Variants in USP46 observed in about 807,000 individuals in gnomAD.
USP46 encodes the protein ubiquitin specific peptidase 46, also known as ubiquitin carboxyl-terminal hydrolase 46.
USP46 carries 12 observed loss-of-function variants against 44.4 expected under a neutral mutation model. The observed-to-expected ratio is 0.27, with a 90% CI of 0.17 to 0.44. The LOEUF is 0.44. USP46 is among the 20% of genes least tolerant of loss of function. USP46 has a pLI of 1.00. For synonymous variants in USP46, 155 were observed against 161.5 expected (o/e 0.96, Z 0.31); for missense variants, 248 against 444.8 (o/e 0.56, Z 3.98).
At chr4:52,617,439 G>C (rs763361959) in intron 4 of USP46, among the ~76,000 whole-genome samples, 24 of 152,190 alleles carry the variant, frequency 1.6e-4, no homozygotes, top group Non-Finnish European at 3.2e-4. Flanking sequence ...GTTTTGGAGA[G>C]AAGGAGAAAT....
At chr4:52,642,068 A>C (rs377274007) in intron 1 of USP46, among the ~76,000 whole-genome samples, 32 of 152,350 alleles carry the variant, frequency 2.1e-4, no homozygotes, top group African/African-American at 7.2e-4. Flanking sequence ...CTGATGACAA[A>C]GATCATTCCT....
intron 4 of USP46, among the ~76,000 whole-genome samples, chr4:52,622,440 C>CA (rs1197016044): frequency 6.6e-6 from 1 of 152,090 alleles, no homozygotes; most frequent in African/African-American, 2.4e-5. Context: ...TGAAATAAAT[C>CA]AAAATCTTTT....
intron 1 of USP46, among the ~76,000 whole-genome samples, chr4:52,632,867 G>A (rs1425206390): frequency 7.1e-6 from 1 of 140,076 alleles, no homozygotes; most frequent in Non-Finnish European, 1.5e-5. Flanking sequence ...GAGAAGACAA[G>A]ACAGAGAAAG....
intron 1 of USP46, among the ~76,000 whole-genome samples, chr4:52,650,312 A>G (rs150165594): frequency 7.9e-4 from 121 of 152,350 alleles, no homozygotes; most frequent in Non-Finnish European, 1.6e-3. Flanking sequence ...ATAATCTCAA[A>G]TATACTTGTT....
chr4:52,602,990 A>G (rs147671884), intron 6 of USP46, among the ~76,000 whole-genome samples: 3 of 152,342 alleles, frequency 2.0e-5, no homozygotes, highest in African/African-American at 7.2e-5. Context: ...GTACTGAATT[A>G]AGTGTAAATG....
intron 1 of USP46, among the ~76,000 whole-genome samples, chr4:52,638,199 G>A (rs1354932719): frequency 2.0e-5 from 3 of 152,206 alleles, no homozygotes; most frequent in African/African-American, 7.2e-5. Flanking sequence ...GACTTCAAGA[G>A]AGGGAGGCAA....
At chr4:52,625,934 T>G in intron 4 of USP46, 84 bp downstream of exon 4, 1 of 1,298,624 alleles carries the variant, frequency 7.7e-7, no homozygotes. Flanking sequence ...TGCTAAATGC[T>G]ATAATACGAC....
chr4:52,636,404 A>G (rs1385266493), intron 1 of USP46, among the ~76,000 whole-genome samples: 2 of 152,092 alleles, frequency 1.3e-5, no homozygotes, highest in African/African-American at 2.4e-5. Flanking sequence ...TCATAAATGT[A>G]TATTATTTAA....
intron 4 of USP46, among the ~76,000 whole-genome samples, chr4:52,615,350 T>C (rs1316217115): frequency 2.0e-5 from 3 of 152,128 alleles, no homozygotes; most frequent in Non-Finnish European, 4.4e-5. Context: ...CGACATACTA[T>C]GCGAAGAGTT....
rs1016019984 is a variant in USP46 at position 52,630,986 on chromosome 4, G to C, written c.117+78C>G. The C allele has an allele frequency of 2.5e-6, 3 of 1,222,080 alleles. No homozygotes were observed. The East Asian group carries it at 7.7e-5, about 31-fold the overall frequency. The allele number at this position is 1,222,080 out of a possible 1,614,324, so 75.7% of individuals were successfully genotyped here. A position where few individuals can be genotyped will look rare whatever the true frequency, so the allele number is the denominator to read the frequency against. ...GACCAATCATTTAAAAATTGGTAGT[G>C]ATAAAAATGCACTTAAAGTGGAGTT... On this transcript the variant is annotated intron_variant, in intron 2 of 8. Coordinates refer to ENST00000441222, the MANE Select transcript of USP46 (RefSeq NM_022832.4).
rs139100880 is a variant in USP46, at chr4:52,596,232, T to C, written c.*1408A>G. ...TCACATTATGCCCAAAGTTTGCATG[T>C]TCATCAGTGGATGCATTAGGTAACA... On this transcript the variant is annotated 3_prime_UTR_variant, in exon 9 of 9. Transcript: ENST00000441222. 27 of 152,772 alleles carry C rather than the reference T, an allele frequency of 1.8e-4. No individual in the cohort carries two copies. In the East Asian group the frequency reaches 4.8e-3, roughly 27 times the overall value. The allele number at this position is 152,772 out of a possible 1,614,324, so 9.5% of individuals were successfully genotyped here.
chr4:52,634,362 G>C (rs564944263), intron 1 of USP46, among the ~76,000 whole-genome samples: 1 of 149,712 alleles, frequency 6.7e-6, no homozygotes, highest in Non-Finnish European at 1.5e-5. Flanking sequence ...TACAAAAATT[G>C]ACCGGTTGTG....
chr4:52,603,909 T>G (rs553787800), intron 6 of USP46, among the ~76,000 whole-genome samples: 1 of 152,286 alleles, frequency 6.6e-6, no homozygotes, highest in African/African-American at 2.4e-5. Context: ...GGTCTCAAAC[T>G]CCTGACCTCA....
intron 5 of USP46, among the ~76,000 whole-genome samples, chr4:52,605,217 C>G (rs1193991722): frequency 2.0e-5 from 3 of 152,186 alleles, no homozygotes; most frequent in Non-Finnish European, 2.9e-5. Flanking sequence ...ACTGCTCCCC[C>G]GCCGGAGGAG....
chr4:52,624,402 T>C (rs1054408450), intron 4 of USP46, among the ~76,000 whole-genome samples: 1 of 152,184 alleles, frequency 6.6e-6, no homozygotes, highest in African/African-American at 2.4e-5. Flanking sequence ...TGGGCTAATG[T>C]GATCACAAAT....
intron 1 of USP46, among the ~76,000 whole-genome samples, chr4:52,657,071 G>T (rs1250179385): frequency 6.7e-6 from 1 of 150,370 alleles, no homozygotes; most frequent in Non-Finnish European, 1.5e-5. Flanking sequence ...AAAGAACCAG[G>T]ACCTGAACCC....
At chr4:52,621,938 C>T (rs1717389338) in intron 4 of USP46, among the ~76,000 whole-genome samples, 1 of 152,146 alleles carries the variant, frequency 6.6e-6, no homozygotes, top group Non-Finnish European at 1.5e-5. Context: ...AATGAATGAA[C>T]CATGCTACAA....
intron 5 of USP46, among the ~76,000 whole-genome samples, chr4:52,608,009 A>G (rs1338007169): frequency 4.6e-5 from 7 of 152,318 alleles, no homozygotes; most frequent in African/African-American, 9.6e-5. Context: ...AGTTATCTCA[A>G]TTGATGGTTC....
chr4:52,645,686 G>C (rs1462386564), intron 1 of USP46, among the ~76,000 whole-genome samples: 1 of 152,114 alleles, frequency 6.6e-6, no homozygotes, highest in Admixed American at 6.5e-5. Flanking sequence ...CAGAAAGGCA[G>C]CAGAGGAGGC....
Sources: allele counts gnomAD v4.1 joint callset (sites outside exome capture counted in the v4.1 genomes callset), GRCh38; gene constraint gnomAD v4.1.1; transcripts MANE v1.5; gene names NCBI Gene and HGNC (gene_info 2026-07-23, HGNC 2026-07-21).